The following ZFP64 variants were observed in gnomAD, a reference collection of about 807,000 sequenced individuals.
The protein encoded by ZFP64 is zinc finger protein 64.
In ZFP64, 14 loss-of-function variants were observed where a neutral mutation model predicts 51.6. That is an observed-to-expected ratio of 0.27 (90% CI 0.18 to 0.42). ZFP64 has a LOEUF of 0.42. ZFP64 is among the 10% of genes least tolerant of loss of function. The pLI is 1.00. For synonymous variants in ZFP64, 375 were observed against 361.4 expected (o/e 1.04, Z -0.43); for missense variants, 754 against 906.8 (o/e 0.83, Z 2.16).
At chr20:52,132,960 A>G (rs773415780) in intron 5 of ZFP64, among the ~76,000 whole-genome samples, 1 of 152,228 alleles carries the variant, frequency 6.6e-6, no homozygotes, top group Non-Finnish European at 1.5e-5. Flanking sequence ...AAAATCCTCA[A>G]CAAAATACTA....
chr20:52,170,987 C>G (rs926852171), intron 2 of ZFP64, among the ~76,000 whole-genome samples: 7 of 152,144 alleles, frequency 4.6e-5, no homozygotes, highest in African/African-American at 1.7e-4. Context: ...TAAGTAGGTC[C>G]AGGAAGGCCT....
At chr20:52,150,376 G>T (rs1980734792), downstream of ZFP64, among the ~76,000 whole-genome samples, 1 of 151,992 alleles carries the variant, frequency 6.6e-6, no homozygotes, top group Admixed American at 6.6e-5. Flanking sequence ...CTTTATGGTT[G>T]AAAAAAGTGG....
chr20:52,169,523 A>G (rs1021436011), intron 2 of ZFP64, among the ~76,000 whole-genome samples: 13 of 152,054 alleles, frequency 8.5e-5, no homozygotes, highest in Non-Finnish European at 1.5e-4. Context: ...ACTCTCTTGA[A>G]AGGTAGGTGG....
At chr20:52,103,229 C>T (rs567692024) in intron 5 of ZFP64, among the ~76,000 whole-genome samples, 233 of 152,298 alleles carry the variant, frequency 1.5e-3, no homozygotes, top group Non-Finnish European at 2.9e-3. Flanking sequence ...AAGGTTCCTC[C>T]AGCCCCTTCG....
At chr20:52,188,773 C>A (rs964826362) in intron 1 of ZFP64, among the ~76,000 whole-genome samples, 3 of 151,690 alleles carry the variant, frequency 2.0e-5, no homozygotes, top group East Asian at 2.0e-4. Flanking sequence ...GAGAGCGAGA[C>A]CATCCTGGCT....
intron 5 of ZFP64, chr20:52,105,083 T>A (rs945791262): frequency 1.4e-6 from 2 of 1,402,146 alleles, no homozygotes; most frequent in Admixed American, 6.8e-5. Context: ...GGAGAACCTC[T>A]GAGCACCGGC....
intron 4 of ZFP64, among the ~76,000 whole-genome samples, chr20:52,162,576 A>G (rs1981908758): frequency 6.7e-6 from 1 of 148,970 alleles, no homozygotes; most frequent in Non-Finnish European, 1.5e-5. Flanking sequence ...GCAGTGAACC[A>G]AGATCGCGCC....
chr20:52,085,762 C>T lies in ZFP64; in HGVS notation c.1229-496G>A, dbSNP rs1309651389. Among the ~76,000 whole-genome samples the T allele has an allele frequency of 6.6e-6, 1 of 152,152 alleles. No homozygotes were observed. The highest frequency in any genetic ancestry group is 1.9e-4 in the East Asian group (1 of 5,202). On this transcript the variant is annotated intron_variant, in intron 8 of 8. Transcript: ENST00000361387. This position sits in a 1 kb window ranked among gnomAD's most constrained non-coding sequence, Gnocchi z 4.3. ...TTGTATTTCAAGTTAAAGTTTCTTA[C>T]TTTTATAACTACAGGCTAAATTTTA...
intron 3 of ZFP64, 94 bp downstream of exon 3, chr20:52,165,770 C>A: frequency 6.5e-7 from 1 of 1,533,474 alleles, no homozygotes; most frequent in Non-Finnish European, 9.0e-7. Context: ...TGGAACACAT[C>A]CATGAGCAGT....
chr20:52,112,111 A>AAAAC (rs146869649), intron 5 of ZFP64, among the ~76,000 whole-genome samples: 17 of 147,520 alleles, frequency 1.2e-4, no homozygotes, highest in Non-Finnish European at 1.9e-4. Flanking sequence ...CAAAAAAAAA[A>AAAAC]CAAGAATCCC....
chr20:52,115,783 T>TTCTCTC (rs74996752), intron 5 of ZFP64, among the ~76,000 whole-genome samples: 20 of 143,442 alleles, frequency 1.4e-4, no homozygotes, highest in African/African-American at 5.0e-4. Flanking sequence ...GAACCTAAAT[T>TTCTCTC]TCTCTCTCTC....
chr20:52,189,435 T>C (rs933092683), intron 1 of ZFP64, among the ~76,000 whole-genome samples: 1 of 151,806 alleles, frequency 6.6e-6, no homozygotes, highest in Non-Finnish European at 1.5e-5. Flanking sequence ...ATTGTAAATA[T>C]TCAGATCATA....
rs773219331 is a variant in ZFP64, at chr20:52,152,239, AGAG to A, written c.1950_1952del (p.Ser652del). On this transcript the variant is annotated inframe_deletion, in exon 6 of 6. Transcript: ENST00000216923. Reference sequence around the variant, plus strand: ...TCTGCTTGGGTAGTTCTTGCTGGGAAGAGGAGGAGAAGACCGGTGGCGCTGTGG... The same window carrying A: ...TCTGCTTGGGTAGTTCTTGCTGGGAAGAGGAGAAGACCGGTGGCGCTGTGG... 23 of 1,613,986 alleles carry A rather than the reference AGAG, an allele frequency of 1.4e-5. No individual in the cohort carries two copies. Among genetic ancestry groups the A allele is most frequent in the African/African-American group, 4.0e-5 (3 of 74,886 alleles).
At chr20:52,120,532 C>G (rs1979129663) in intron 5 of ZFP64, among the ~76,000 whole-genome samples, 1 of 151,912 alleles carries the variant, frequency 6.6e-6, no homozygotes, top group Non-Finnish European at 1.5e-5. Flanking sequence ...TTGTGTCAAC[C>G]CTGCATCCAG....
At chr20:52,175,979 T>A (rs745390693) in intron 2 of ZFP64, 69 of 985,084 alleles carry the variant, frequency 7.0e-5, no homozygotes, top group Non-Finnish European at 7.3e-5. Context: ...CCGGCCCAAA[T>A]GTCCCTCCCC....
In ZFP64 at chr20:52,160,741, G is replaced by A. The variant is rs75881464; in HGVS notation, c.512-367C>T. ...TTCCTTTTCACAACAGAGATGCACC[G>A]TAAAATTTAGAATACCTAAGTTTCA... On this transcript the variant is annotated intron_variant, in intron 4 of 5. Transcript: ENST00000216923. The surrounding 1 kb of genome is among the most constrained non-coding windows in gnomAD (Gnocchi z 4.2). Among the ~76,000 whole-genome samples the A allele has an allele frequency of 1.1e-3, 166 of 152,166 alleles. No homozygotes were observed. In the South Asian group the frequency reaches 0.015, roughly 14 times the overall value.
At chr20:52,101,438 T>C (rs904983044) in intron 5 of ZFP64, among the ~76,000 whole-genome samples, 3 of 152,150 alleles carry the variant, frequency 2.0e-5, no homozygotes, top group African/African-American at 7.2e-5. Flanking sequence ...GGCACCAACA[T>C]GGCTCACTGC....
intron 5 of ZFP64, among the ~76,000 whole-genome samples, chr20:52,155,545 G>T (rs143023247): frequency 6.6e-6 from 1 of 152,046 alleles, no homozygotes; most frequent in Non-Finnish European, 1.5e-5. Flanking sequence ...AATCTGCAGA[G>T]GTGAGACCCA....
At chr20:52,098,336 G>A (rs1236616718) in intron 6 of ZFP64, 13 of 1,510,376 alleles carry the variant, frequency 8.6e-6, no homozygotes, top group African/African-American at 1.4e-5. Context: ...CATGTTGTCA[G>A]CAAACAAGAG....
Sources: allele counts gnomAD v4.1 joint callset (sites outside exome capture counted in the v4.1 genomes callset), GRCh38; gene constraint gnomAD v4.1.1; non-coding constraint Gnocchi (gnomAD v3.1); transcripts MANE v1.5; gene names NCBI Gene and HGNC (gene_info 2026-07-23, HGNC 2026-07-21).